Variants in CORIN observed in about 807,000 individuals in gnomAD.
CORIN encodes corin, serine peptidase, also known as atrial natriuretic peptide-converting enzyme.
A neutral mutation model predicts 125.3 loss-of-function variants in CORIN; 117 were observed. The observed-to-expected ratio is 0.93, with a 90% CI of 0.80 to 1.09. The LOEUF is 1.09. CORIN is among the 50% of genes least tolerant of loss of function. CORIN has a pLI of 0.00. For missense variants in CORIN, 1,253 were observed against 1,306.7 expected (o/e 0.96, Z 0.63); for synonymous variants, 450 against 466.4 (o/e 0.96, Z 0.45).
intron 10 of CORIN, among the ~76,000 whole-genome samples, chr4:47,669,600 G>A (rs570181754): frequency 7.8e-5 from 11 of 140,272 alleles, no homozygotes; most frequent in South Asian, 2.2e-4. Context: ...ACAGAGTCTC[G>A]CTCTGTCACC....
At chr4:47,721,398 T>C (rs1727344927) in intron 5 of CORIN, among the ~76,000 whole-genome samples, 2 of 152,054 alleles carry the variant, frequency 1.3e-5, no homozygotes, top group South Asian at 4.1e-4. Context: ...GACACCCAAG[T>C]AGCTGTGATT....
intron 10 of CORIN, among the ~76,000 whole-genome samples, chr4:47,673,947 G>A (rs139744411): frequency 4.6e-5 from 7 of 152,098 alleles, no homozygotes; most frequent in Non-Finnish European, 8.8e-5. Flanking sequence ...CTCCAGCCTC[G>A]GTGACAGAGT....
chr4:47,749,454 C>T lies in CORIN; in HGVS notation c.618-4871G>A, dbSNP rs527238219. Among the ~76,000 whole-genome samples, 16 of 152,306 alleles carry T rather than the reference C, an allele frequency of 1.1e-4. No individual in the cohort carries two copies. In the East Asian group the frequency reaches 2.9e-3, roughly 28 times the overall value. On this transcript the variant is annotated intron_variant, in intron 4 of 21. Coordinates refer to ENST00000273857, the MANE Select transcript of CORIN (RefSeq NM_006587.4). ...CCCTCCAACCAAAGCCTTTAAGGAACTGAAGTTTTTCCAAGAATCACATGA... is the reference window on the plus strand; with the variant it reads ...CCCTCCAACCAAAGCCTTTAAGGAATTGAAGTTTTTCCAAGAATCACATGA...
At chr4:47,677,019 C>A (rs980934567) in intron 9 of CORIN, among the ~76,000 whole-genome samples, 30 of 152,100 alleles carry the variant, frequency 2.0e-4, no homozygotes, top group African/African-American at 7.2e-4. Flanking sequence ...TTCTAATGAT[C>A]AATATGCATT....
chr4:47,644,946 G>T, intron 14 of CORIN, 135 bp downstream of exon 14: 1 of 537,284 alleles, frequency 1.9e-6, no homozygotes. Context: ...TTTACAAGTG[G>T]AGTTTGATCA....
At chr4:47,638,045 A>T (rs1723095374) in intron 16 of CORIN, among the ~76,000 whole-genome samples, 1 of 152,236 alleles carries the variant, frequency 6.6e-6, no homozygotes, top group Admixed American at 6.5e-5. Context: ...TGTGACCCAG[A>T]TGCAAGACAT....
intron 5 of CORIN, among the ~76,000 whole-genome samples, chr4:47,714,294 G>A (rs1726990255): frequency 6.6e-6 from 1 of 152,024 alleles, no homozygotes. Context: ...ATACTCACAA[G>A]TGATTAACAC....
At chr4:47,600,394 C>T (rs1721407374) in intron 20 of CORIN, 47 bp from the exon 21 acceptor site, 2 of 1,438,162 alleles carry the variant, frequency 1.4e-6, no homozygotes, top group Non-Finnish European at 1.9e-6. Context: ...TAAAATGACT[C>T]AAAAGTGAGG....
At chr4:47,649,196 G>A (rs779910169) in intron 13 of CORIN, among the ~76,000 whole-genome samples, 37 of 152,174 alleles carry the variant, frequency 2.4e-4, no homozygotes, top group Admixed American at 3.9e-4. Flanking sequence ...CCAGTCTCCC[G>A]TGAAAGAGGC....
chr4:47,733,479 A>G (rs1301653426), intron 5 of CORIN, among the ~76,000 whole-genome samples: 3 of 152,250 alleles, frequency 2.0e-5, no homozygotes, highest in African/African-American at 7.2e-5. Flanking sequence ...GGTTGCTAGC[A>G]GCAACCGGAG....
chr4:47,676,899 G>A (rs2109703546), intron 9 of CORIN, among the ~76,000 whole-genome samples: 1 of 152,234 alleles, frequency 6.6e-6, no homozygotes, highest in East Asian at 1.9e-4. Context: ...ATTTCATTCT[G>A]AATTTAAAAA....
chr4:47,827,299 A>G (rs1447743964), intron 1 of CORIN, among the ~76,000 whole-genome samples: 2 of 152,238 alleles, frequency 1.3e-5, no homozygotes, highest in East Asian at 1.9e-4. Context: ...GGATATGCAC[A>G]ACTAGATAAG....
At chr4:47,753,706 T>C (rs1729011052) in intron 4 of CORIN, among the ~76,000 whole-genome samples, 1 of 152,142 alleles carries the variant, frequency 6.6e-6, no homozygotes, top group East Asian at 1.9e-4. Flanking sequence ...AGTCAGACCT[T>C]ATGGTTATCT....
intron 3 of CORIN, among the ~76,000 whole-genome samples, chr4:47,771,459 A>C (rs1346945322): frequency 6.6e-6 from 1 of 152,162 alleles, no homozygotes. Flanking sequence ...TTTTATTTTA[A>C]GTTCAGGGGT....
At chr4:47,756,807 T>C (rs969291348) in intron 4 of CORIN, among the ~76,000 whole-genome samples, 3 of 152,216 alleles carry the variant, frequency 2.0e-5, no homozygotes, top group South Asian at 4.1e-4. Flanking sequence ...TACTGGAACA[T>C]ATAAGCAAGC....
chr4:47,649,746 T>C (rs1360914088), intron 13 of CORIN, among the ~76,000 whole-genome samples: 6 of 152,168 alleles, frequency 3.9e-5, no homozygotes, highest in African/African-American at 7.2e-5. Context: ...GTTAACCAAG[T>C]ATTTAAAGGG....
intron 1 of CORIN, among the ~76,000 whole-genome samples, chr4:47,834,989 G>C (rs573638560): frequency 1.3e-4 from 20 of 152,266 alleles, no homozygotes; most frequent in African/African-American, 4.3e-4. Context: ...AGAGTCAGAG[G>C]TCTGACACCA....
intron 5 of CORIN, among the ~76,000 whole-genome samples, chr4:47,742,118 A>T (rs1728431036): frequency 6.6e-6 from 1 of 152,026 alleles, no homozygotes; most frequent in Admixed American, 6.5e-5. Flanking sequence ...ATGAAAAAAT[A>T]ATACATCATC....
intron 5 of CORIN, among the ~76,000 whole-genome samples, chr4:47,714,051 T>C (rs1211674279): frequency 6.6e-6 from 1 of 152,160 alleles, no homozygotes; most frequent in Non-Finnish European, 1.5e-5. Context: ...GTTTTACCAA[T>C]GGAACTGGGT....
Sources: allele counts gnomAD v4.1 joint callset (sites outside exome capture counted in the v4.1 genomes callset), GRCh38; gene constraint gnomAD v4.1.1; transcripts MANE v1.5; gene names NCBI Gene and HGNC (gene_info 2026-07-23, HGNC 2026-07-21).